Variants in FPR3 observed in about 807,000 individuals in gnomAD.
The protein encoded by FPR3 is formyl peptide receptor 3.
For synonymous variants in FPR3, 135 were observed against 163.6 expected (o/e 0.83, Z 1.34); for missense variants, 346 against 443.2 (o/e 0.78, Z 1.97).
chr19:51,797,476 A>AT (rs974200566), intron 1 of FPR3, among the ~76,000 whole-genome samples: 5 of 152,100 alleles, frequency 3.3e-5, no homozygotes, highest in African/African-American at 9.7e-5. Context: ...ACAATTTTCA[A>AT]TTTTTTTGGT....
chr19:51,816,638 A>AG (rs1427002005), intron 1 of FPR3, among the ~76,000 whole-genome samples: 1 of 152,340 alleles, frequency 6.6e-6, no homozygotes, highest in East Asian at 1.9e-4. Context: ...AAAGCTGATG[A>AG]GGGGGTCACA....
intron 1 of FPR3, among the ~76,000 whole-genome samples, chr19:51,807,046 G>C (rs2084063851): frequency 6.6e-6 from 1 of 152,208 alleles, no homozygotes; most frequent in Non-Finnish European, 1.5e-5. Context: ...ATTGTAGCCT[G>C]CCACGATCCC....
chr19:51,818,265 T>C (rs1916152269), intron 1 of FPR3, among the ~76,000 whole-genome samples: 1 of 152,260 alleles, frequency 6.6e-6, no homozygotes, highest in African/African-American at 2.4e-5. Context: ...GTTCCAATGA[T>C]ACCCTTTTTG....
rs767538247 is a variant in FPR3, at chr19:51,825,746, T to C, written c.*936T>C. On this transcript the variant is annotated 3_prime_UTR_variant, in exon 2 of 2. Coordinates refer to ENST00000339223, the MANE Select transcript of FPR3 (RefSeq NM_002030.5). ...GGAAAATACTTCTGTGCCCCCTGATTTGAGGGTAAGAAGTAGATAATGAGG... is the reference window on the plus strand; with the variant it reads ...GGAAAATACTTCTGTGCCCCCTGATCTGAGGGTAAGAAGTAGATAATGAGG... 6.0e-6 allele frequency: 1 copy of C among 167,024 alleles called. No homozygotes were observed. The highest frequency in any genetic ancestry group is 1.5e-5 in the Non-Finnish European group (1 of 68,108). 10.3% of individuals were successfully genotyped at this position (167,024 alleles called of 1,614,324 possible).
chr19:51,820,385 A>T (rs1052314311), intron 1 of FPR3, among the ~76,000 whole-genome samples: 7 of 152,232 alleles, frequency 4.6e-5, no homozygotes, highest in Admixed American at 3.9e-4. Flanking sequence ...AGGATGTTGT[A>T]ATTAGAAATA....
At chr19:51,797,964 C>T (rs1299521688) in intron 1 of FPR3, among the ~76,000 whole-genome samples, 1 of 143,224 alleles carries the variant, frequency 7.0e-6, no homozygotes, top group South Asian at 2.3e-4. Flanking sequence ...TCACTGCAAC[C>T]TCTGCCTCCT....
chr19:51,808,713 G>A (rs1388738465), intron 1 of FPR3, among the ~76,000 whole-genome samples: 1 of 152,202 alleles, frequency 6.6e-6, no homozygotes, highest in Non-Finnish European at 1.5e-5. Flanking sequence ...TGGAATAGCC[G>A]CTGGAGATGG....
intron 1 of FPR3, among the ~76,000 whole-genome samples, chr19:51,797,442 G>GT (rs1375137454): frequency 6.6e-6 from 1 of 152,160 alleles, no homozygotes; most frequent in Non-Finnish European, 1.5e-5. Flanking sequence ...GCGTGATTAT[G>GT]TGATAGAATG....
At chr19:51,817,389 A>AAGAG (rs910161184) in intron 1 of FPR3, among the ~76,000 whole-genome samples, 2 of 150,846 alleles carry the variant, frequency 1.3e-5, no homozygotes, top group African/African-American at 2.4e-5. Context: ...AGAAATCATA[A>AAGAG]AGAGAGAGAG....
rs1279370308 is a variant in FPR3, at chr19:51,795,343, T to A, written c.-11+12T>A. The A allele has an allele frequency of 6.6e-6, 1 of 151,896 alleles. No individual in the cohort carries two copies. Among genetic ancestry groups the A allele is most frequent in the Non-Finnish European group, 1.5e-5 (1 of 67,984 alleles). 9.4% of individuals were successfully genotyped at this position (151,896 alleles called of 1,614,324 possible). On this transcript the variant is annotated intron_variant, in intron 1 of 1. Transcript: ENST00000339223. The stretch of plus-strand genomic sequence containing the variant: ...GATCTAAGCTGGTGGTAAGTTGGGG[T>A]CTGAAAATTTTAAAGTTATTGTTGA...
At chr19:51,800,539 T>C (rs2084022076) in intron 1 of FPR3, among the ~76,000 whole-genome samples, 1 of 152,186 alleles carries the variant, frequency 6.6e-6, no homozygotes, top group South Asian at 2.1e-4. Context: ...TGAGGCGGTT[T>C]GGCACTTGTT....
chr19:51,807,109 G>T (rs917862015), intron 1 of FPR3, among the ~76,000 whole-genome samples: 5 of 152,198 alleles, frequency 3.3e-5, no homozygotes, highest in Non-Finnish European at 7.3e-5. Flanking sequence ...AGAGATAAAA[G>T]AGTATATTTG....
chr19:51,822,353 G>A (rs1034311168), intron 1 of FPR3, among the ~76,000 whole-genome samples: 1 of 152,172 alleles, frequency 6.6e-6, no homozygotes, highest in East Asian at 1.9e-4. Flanking sequence ...CAAAGATGGA[G>A]GAGGGATACC....
intron 1 of FPR3, among the ~76,000 whole-genome samples, chr19:51,798,730 C>T (rs908442759): frequency 2.0e-5 from 3 of 152,266 alleles, no homozygotes; most frequent in East Asian, 1.9e-4. Context: ...ATGGCTGCCT[C>T]ACAGTGTTAT....
In FPR3 at chr19:51,824,818, G is replaced by T; in HGVS notation, c.*8G>T. Reference sequence around the variant, plus strand: ...GAGTTACAAGCAATGTGAGGTCGGGGATATTTTTGGGCTCTGTCTCTTTCT... The same window carrying T: ...GAGTTACAAGCAATGTGAGGTCGGGTATATTTTTGGGCTCTGTCTCTTTCT... On this transcript the variant is annotated 3_prime_UTR_variant, in exon 2 of 2. Transcript: ENST00000339223. The surrounding 1 kb of genome is among the most constrained non-coding windows in gnomAD (Gnocchi z 4.7). 6.3e-7 allele frequency: 1 copy of T among 1,594,838 alleles called. No individual in the cohort carries two copies. The highest frequency in any genetic ancestry group is 8.6e-7 in the Non-Finnish European group (1 of 1,169,288).
chr19:51,812,619 T>A (rs1599835543), intron 1 of FPR3, among the ~76,000 whole-genome samples: 1 of 152,178 alleles, frequency 6.6e-6, no homozygotes, highest in Non-Finnish European at 1.5e-5. Flanking sequence ...TACCTAGGGG[T>A]ACCCTCATAG....
chr19:51,810,311 T>C (rs2084087620), intron 1 of FPR3, among the ~76,000 whole-genome samples: 1 of 152,200 alleles, frequency 6.6e-6, no homozygotes, highest in Non-Finnish European at 1.5e-5. Flanking sequence ...CGCGTTTGCA[T>C]CCTCAAAAGC....
In FPR3 at chr19:51,800,109, C is replaced by A. The variant is rs144645762; in HGVS notation, c.-11+4778C>A. Among the ~76,000 whole-genome samples the A allele has an allele frequency of 4.5e-3, 683 of 152,316 alleles. 7 individuals are homozygous for A. Among genetic ancestry groups the A allele is most frequent in the African/African-American group, 0.016 (655 of 41,566 alleles). ...GGGGAGCTGGGTGAAAGGGTCCAGTCGCCTAACTCTAACCTGTGACACGGC... is the reference window on the plus strand; with the variant it reads ...GGGGAGCTGGGTGAAAGGGTCCAGTAGCCTAACTCTAACCTGTGACACGGC... On this transcript the variant is annotated intron_variant, in intron 1 of 1. Coordinates refer to ENST00000339223, the MANE Select transcript of FPR3 (RefSeq NM_002030.5).
chr19:51,808,229 T>A (rs879349176), intron 1 of FPR3, among the ~76,000 whole-genome samples: 1 of 152,252 alleles, frequency 6.6e-6, no homozygotes, highest in African/African-American at 2.4e-5. Context: ...TATCTCCTAA[T>A]AACTGCTGAA....
Sources: allele counts gnomAD v4.1 joint callset (sites outside exome capture counted in the v4.1 genomes callset), GRCh38; gene constraint gnomAD v4.1.1; non-coding constraint Gnocchi (gnomAD v3.1); transcripts MANE v1.5; gene names NCBI Gene and HGNC (gene_info 2026-07-23, HGNC 2026-07-21).